Variants in PIK3C2G observed in about 807,000 individuals in gnomAD.
PIK3C2G encodes phosphatidylinositol-4-phosphate 3-kinase catalytic subunit type 2 gamma.
PIK3C2G carries 168 observed loss-of-function variants against 181.1 expected under a neutral mutation model. The observed-to-expected ratio is 0.93, with a 90% confidence interval of 0.82 to 1.05. PIK3C2G has a LOEUF of 1.05. Among genes scored for constraint, PIK3C2G ranks in the 50% least tolerant of loss-of-function variants. The pLI is 0.00. For synonymous variants in PIK3C2G, 573 were observed against 592.2 expected, an observed-to-expected ratio of 0.97 and a Z score of 0.47; for missense variants, 1,869 against 1,732.8, an observed-to-expected ratio of 1.08 and a Z score of -1.40.
intron 11 of PIK3C2G, among the ~76,000 whole-genome samples, chr12:18,352,961 T>C (rs1287290779): frequency 6.6e-6 from 1 of 152,180 alleles, no homozygotes. Flanking sequence ...CCTGGGGTTT[T>C]TCTGGGTATA....
chr12:18,316,986 A>G (rs1266489123), intron 6 of PIK3C2G, among the ~76,000 whole-genome samples: 2 of 149,398 alleles, frequency 1.3e-5, no homozygotes, highest in Non-Finnish European at 3.0e-5. Flanking sequence ...GGCATTCCGT[A>G]TCCCCATCTC....
chr12:18,701,622 TC>T, the PIK3C2G span: 7 of 1,490,998 alleles, frequency 4.7e-6, no homozygotes, highest in East Asian at 5.0e-5. Context: ...CTCCTCCTCC[TC>T]CTCCTCCTCC....
At chr12:18,685,848 A>G in the PIK3C2G span, among the ~76,000 whole-genome samples, 18 of 51,624 alleles carry the variant, frequency 3.5e-4, no homozygotes, top group African/African-American at 8.2e-4. Flanking sequence ...ACACACGCGC[A>G]CACACACACA....
the PIK3C2G span, among the ~76,000 whole-genome samples, chr12:18,667,917 T>C: frequency 6.6e-6 from 1 of 151,820 alleles, no homozygotes; most frequent in Non-Finnish European, 1.5e-5. Flanking sequence ...CAGAACAAGG[T>C]GGAGAGTGAG....
chr12:18,404,109 T>C (rs779354911), intron 16 of PIK3C2G, among the ~76,000 whole-genome samples: 7 of 152,168 alleles, frequency 4.6e-5, no homozygotes, highest in Non-Finnish European at 1.0e-4. Context: ...TGCCTTAGCT[T>C]CCAAAATTAG....
At chr12:18,329,612 A>G (rs1248815469) in intron 8 of PIK3C2G, among the ~76,000 whole-genome samples, 1 of 151,842 alleles carries the variant, frequency 6.6e-6, no homozygotes, top group Non-Finnish European at 1.5e-5. Flanking sequence ...TTATTAGTTC[A>G]TTTTCATTGT....
At chr12:18,251,355 T>C (rs922923252) in intron 1 of PIK3C2G, among the ~76,000 whole-genome samples, 102 of 152,174 alleles carry the variant, frequency 6.7e-4, no homozygotes, top group African/African-American at 2.4e-3. Context: ...GTCATTTATA[T>C]ACTGGGAGCT....
intron 29 of PIK3C2G, among the ~76,000 whole-genome samples, chr12:18,589,033 C>A (rs7306578): frequency 2.6e-5 from 4 of 151,812 alleles, no homozygotes; most frequent in Non-Finnish European, 5.9e-5. Context: ...TAAGTGGGAG[C>A]TAAATTATGA....
At chr12:18,556,762 C>A (rs1565503930) in intron 26 of PIK3C2G, among the ~76,000 whole-genome samples, 1 of 152,092 alleles carries the variant, frequency 6.6e-6, no homozygotes, top group Non-Finnish European at 1.5e-5. Flanking sequence ...CTGCACTGTG[C>A]ACCTGTAAAT....
the PIK3C2G span, chr12:18,684,033 T>A: frequency 5.7e-6 from 8 of 1,398,424 alleles, no homozygotes; most frequent in South Asian, 9.7e-5. Context: ...TACATCCTAC[T>A]TTATGATAGA....
chr12:18,615,321 G>C (rs1437193059), intron 31 of PIK3C2G, among the ~76,000 whole-genome samples: 1 of 144,106 alleles, frequency 6.9e-6, no homozygotes, highest in South Asian at 2.2e-4. Flanking sequence ...TGGCTGAGTA[G>C]TATTCCACGG....
intron 15 of PIK3C2G, among the ~76,000 whole-genome samples, chr12:18,399,351 G>C (rs1349802732): frequency 1.3e-5 from 2 of 150,854 alleles, no homozygotes; most frequent in Non-Finnish European, 2.9e-5. Context: ...CCCTAGAGGA[G>C]AGAGATTTTG....
At chr12:18,707,532 C>T in the PIK3C2G span, among the ~76,000 whole-genome samples, 3 of 152,154 alleles carry the variant, frequency 2.0e-5, no homozygotes, top group Admixed American at 6.5e-5. Context: ...GCAATGTTTG[C>T]CCCCCATTTC....
rs377295272 is a variant in PIK3C2G at position 18,566,946 on chromosome 12, C to T, written c.3903-3C>T. On this transcript the variant is annotated splice_region_variant and splice_polypyrimidine_tract_variant and intron_variant, in intron 28 of 32. Coordinates refer to ENST00000538779, the MANE Select transcript of PIK3C2G (RefSeq NM_001288772.2). Reference sequence around the variant, plus strand: ...AAGATAACTTTTTTTTCTCTTAAAACAGGTTTCCTCATTGGTGGCACCTAC... The same window carrying T: ...AAGATAACTTTTTTTTCTCTTAAAATAGGTTTCCTCATTGGTGGCACCTAC... 1.4e-4 allele frequency: 206 copies of T among 1,517,338 alleles called. 1 individual carries two copies. In the Middle Eastern group the frequency reaches 4.3e-3, roughly 31 times the overall value. 94.0% of individuals were successfully genotyped at this position (1,517,338 alleles called of 1,614,324 possible).
chr12:18,572,038 G>C (rs1222475190), intron 29 of PIK3C2G, among the ~76,000 whole-genome samples: 1 of 149,770 alleles, frequency 6.7e-6, no homozygotes, highest in Non-Finnish European at 1.5e-5. Flanking sequence ...ATTAAACTAT[G>C]TGTCTTTGAC....
At chr12:18,714,890 A>G in the PIK3C2G span, 1 of 152,070 alleles carries the variant, frequency 6.6e-6, no homozygotes, top group Non-Finnish European at 1.5e-5. Flanking sequence ...ACCCTGCTGT[A>G]AGTCATGACA....
At chr12:18,687,321 G>A in the PIK3C2G span, among the ~76,000 whole-genome samples, 25 of 152,096 alleles carry the variant, frequency 1.6e-4, no homozygotes, top group Admixed American at 1.3e-4. Flanking sequence ...CATTTGATCT[G>A]GAGCATATTT....
intron 22 of PIK3C2G, among the ~76,000 whole-genome samples, chr12:18,500,673 G>C (rs1330741694): frequency 6.6e-6 from 1 of 152,144 alleles, no homozygotes; most frequent in East Asian, 1.9e-4. Context: ...AATCAGCGCC[G>C]TGTCAAAACA....
intron 13 of PIK3C2G, among the ~76,000 whole-genome samples, chr12:18,379,441 C>G (rs576727151): frequency 2.5e-4 from 38 of 152,030 alleles, no homozygotes; most frequent in African/African-American, 9.2e-4. Context: ...TGCAGCACAC[C>G]AACATGGCAC....
Sources: gnomAD v4.1 joint callset for allele counts (sites outside exome capture counted in the v4.1 genomes callset) on GRCh38, gnomAD v4.1.1 for gene constraint, MANE v1.5 for transcripts, NCBI Gene and HGNC (gene_info 2026-07-23, HGNC 2026-07-21) for gene names.